CSMD1: variants seen among roughly 807,000 people sequenced by gnomAD.
The protein encoded by CSMD1 is CUB and Sushi multiple domains 1, also known as CUB and sushi domain-containing protein 1.
CSMD1 carries 213 observed loss-of-function variants against 417.5 expected under a neutral mutation model. The observed-to-expected ratio is 0.51, with a 90% CI of 0.46 to 0.57. The LOEUF is 0.57. Among genes scored for constraint, CSMD1 ranks in the 20% least tolerant of loss-of-function variants. The pLI is 0.00. For synonymous variants in CSMD1, 2,862 were observed against 1,736.8 expected, an observed-to-expected ratio of 1.65 and a Z score of -16.11; for missense variants, 6,923 against 4,529.7, an observed-to-expected ratio of 1.53 and a Z score of -15.17.
At chr8:4,861,392 T>C (rs1199945311) in intron 1 of CSMD1, among the ~76,000 whole-genome samples, 1 of 152,116 alleles carries the variant, frequency 6.6e-6, no homozygotes, top group Non-Finnish European at 1.5e-5. Flanking sequence ...CTTGACTCTA[T>C]TACTACGCTG....
chr8:3,682,998 A>C (rs572922289), intron 7 of CSMD1, among the ~76,000 whole-genome samples: 2 of 152,266 alleles, frequency 1.3e-5, no homozygotes, highest in Non-Finnish European at 2.9e-5. Flanking sequence ...CTGAACAATG[A>C]GAACACATGG....
intron 10 of CSMD1, among the ~76,000 whole-genome samples, chr8:3,503,840 C>G (rs146612136): frequency 0.22 from 32,889 of 146,584 alleles, 3,737 homozygotes; most frequent in Middle Eastern, 0.26. Context: ...CTTGCCCCCC[C>G]CCAACCCCCA....
intron 3 of CSMD1, among the ~76,000 whole-genome samples, chr8:4,318,989 T>A (rs1173887025): frequency 3.3e-5 from 5 of 152,188 alleles, no homozygotes; most frequent in Admixed American, 3.3e-4. Flanking sequence ...ATCTTCATAT[T>A]AAACAGCTTG....
chr8:4,882,975 C>T (rs1033146741), intron 1 of CSMD1, among the ~76,000 whole-genome samples: 1 of 151,984 alleles, frequency 6.6e-6, no homozygotes, highest in Non-Finnish European at 1.5e-5. Context: ...AACCTAAAAA[C>T]TGCCAAGACA....
intron 49 of CSMD1, among the ~76,000 whole-genome samples, chr8:3,067,070 TAAGCCTGGGGCCTGGCACAGAAC>T (rs148347266): frequency 0.12 from 18,707 of 152,114 alleles, 1,514 homozygotes; most frequent in Non-Finnish European, 0.18. Context: ...TGCCAGGTGC[TAAGCCTGGGGCCTGGCACAGAAC>T]AAGAGGTCAA....
intron 7 of CSMD1, among the ~76,000 whole-genome samples, chr8:3,687,435 A>G (rs373940446): frequency 2.6e-5 from 4 of 152,198 alleles, no homozygotes; most frequent in Admixed American, 6.5e-5. Context: ...CCTCTCAAAT[A>G]AATTATGGAA....
intron 5 of CSMD1, among the ~76,000 whole-genome samples, chr8:3,905,249 G>C (rs543724554): frequency 1.3e-5 from 2 of 152,128 alleles, no homozygotes; most frequent in Non-Finnish European, 2.9e-5. Context: ...GGAATATTTA[G>C]ATTATATTCT....
At chr8:3,018,963 G>A (rs1415091538) in intron 51 of CSMD1, among the ~76,000 whole-genome samples, 1 of 152,100 alleles carries the variant, frequency 6.6e-6, no homozygotes, top group Non-Finnish European at 1.5e-5. Context: ...TGTTGACCAG[G>A]TTGGAGTGCA....
chr8:3,478,140 A>T (rs1279502308), intron 11 of CSMD1, among the ~76,000 whole-genome samples: 1 of 152,222 alleles, frequency 6.6e-6, no homozygotes, highest in African/African-American at 2.4e-5. Context: ...GACTTTATTT[A>T]CTGTGCTGAA....
intron 2 of CSMD1, among the ~76,000 whole-genome samples, chr8:4,623,359 A>G (rs1175293305): frequency 1.3e-5 from 2 of 152,194 alleles, no homozygotes; most frequent in South Asian, 2.1e-4. Context: ...AAAACATACA[A>G]CAACTAAAAT....
intron 2 of CSMD1, among the ~76,000 whole-genome samples, chr8:4,627,253 TG>T (rs767962186): frequency 9.2e-5 from 14 of 152,056 alleles, no homozygotes; most frequent in Non-Finnish European, 1.9e-4. Context: ...ATGGGCAGGA[TG>T]GGGGAAAGAA....
chr8:4,423,777 TA>T (rs1282521271), intron 2 of CSMD1, among the ~76,000 whole-genome samples: 3 of 151,912 alleles, frequency 2.0e-5, no homozygotes, highest in African/African-American at 7.3e-5. Context: ...GAGAGAAGAA[TA>T]AAGCAGGAGA....
chr8:4,203,165 C>T (rs370893516), intron 3 of CSMD1, among the ~76,000 whole-genome samples: 24 of 152,248 alleles, frequency 1.6e-4, no homozygotes, highest in East Asian at 1.4e-3. Context: ...GTCAGAGGGA[C>T]ATGTCATTTA....
intron 11 of CSMD1, chr8:3,469,144 T>C (rs1263195290): frequency 1.3e-5 from 3 of 226,136 alleles, no homozygotes; most frequent in Non-Finnish European, 2.6e-5. Flanking sequence ...ATGTTACAAC[T>C]GGGACAGTCC....
At chr8:3,299,054 A>G (rs1358759746) in intron 25 of CSMD1, among the ~76,000 whole-genome samples, 2 of 152,218 alleles carry the variant, frequency 1.3e-5, no homozygotes, top group Non-Finnish European at 2.9e-5. Context: ...ATATGATACA[A>G]CAAAACTTAA....
At chr8:3,155,414 A>T (rs557352660) in intron 39 of CSMD1, among the ~76,000 whole-genome samples, 2 of 91,918 alleles carry the variant, frequency 2.2e-5, no homozygotes, top group East Asian at 6.9e-4. Context: ...GTCACCCAGG[A>T]TGGAGTGCAG....
intron 3 of CSMD1, among the ~76,000 whole-genome samples, chr8:4,282,645 C>T (rs1796851960): frequency 6.6e-6 from 1 of 152,122 alleles, no homozygotes; most frequent in Non-Finnish European, 1.5e-5. Flanking sequence ...TTCACCTTTT[C>T]AGTTTTATTT....
At chr8:4,864,331 C>T (rs4875400) in intron 1 of CSMD1, among the ~76,000 whole-genome samples, 142,990 of 151,912 alleles carry the variant, frequency 0.94, 67,637 homozygotes, top group Non-Finnish European at 0.98. Context: ...AAATTGACGA[C>T]ATATAATTAG....
At chr8:2,990,959 T>C (rs1245949968) in intron 54 of CSMD1, among the ~76,000 whole-genome samples, 1 of 152,242 alleles carries the variant, frequency 6.6e-6, no homozygotes. Flanking sequence ...CACATTTCAA[T>C]GTGATCTTTT....
Sources: gnomAD v4.1 joint callset for allele counts (sites outside exome capture counted in the v4.1 genomes callset) on GRCh38, gnomAD v4.1.1 for gene constraint, MANE v1.5 for transcripts, NCBI Gene and HGNC (gene_info 2026-07-23, HGNC 2026-07-21) for gene names.